CDH18: variants seen among roughly 807,000 people sequenced by gnomAD.
The protein encoded by CDH18 is cadherin 18.
In CDH18, 31 loss-of-function variants were observed where a neutral mutation model predicts 67.9. That is an observed-to-expected ratio of 0.46 (90% CI 0.34 to 0.62). The LOEUF (loss-of-function observed/expected upper bound fraction) is 0.62, where lower values mean the gene tolerates loss of function less well. CDH18 is among the 20% of genes least tolerant of loss of function. CDH18 has a pLI of 0.01. For missense variants in CDH18, 890 were observed against 975.5 expected, an observed-to-expected ratio of 0.91 and a Z score of 1.17; for synonymous variants, 362 against 347.2, an observed-to-expected ratio of 1.04 and a Z score of -0.48.
chr5:19,548,833 C>T (rs1736815663), intron 8 of CDH18, among the ~76,000 whole-genome samples: 1 of 150,478 alleles, frequency 6.6e-6, no homozygotes, highest in Non-Finnish European at 1.5e-5. Flanking sequence ...TGACTGCAAC[C>T]TCTGCCTCCC....
At chr5:20,216,302 T>C (rs1307279595) in intron 2 of CDH18, among the ~76,000 whole-genome samples, 1 of 151,962 alleles carries the variant, frequency 6.6e-6, no homozygotes, top group Non-Finnish European at 1.5e-5. Context: ...CCAATGCAAG[T>C]CTTGATGGAA....
chr5:19,492,885 T>A (rs1271088930), intron 11 of CDH18, among the ~76,000 whole-genome samples: 2 of 152,148 alleles, frequency 1.3e-5, no homozygotes, highest in Admixed American at 1.3e-4. Context: ...CTAAAGCAAC[T>A]AAAGAATGAA....
chr5:20,222,742 T>C (rs1370706557), intron 2 of CDH18, among the ~76,000 whole-genome samples: 1 of 151,970 alleles, frequency 6.6e-6, no homozygotes, highest in Non-Finnish European at 1.5e-5. Flanking sequence ...GAAAAACAAA[T>C]GACTTAGCCT....
rs141717386 is a variant in CDH18 at position 20,504,712 on chromosome 5, T to TA, written c.-580+70749dup. 4.3e-4 allele frequency among the ~76,000 whole-genome samples: 62 copies of TA among 145,854 alleles called. No homozygotes were observed. In the East Asian group the frequency reaches 0.01, roughly 25 times the overall value. On this transcript the variant is annotated intron_variant, in intron 1 of 14. Transcript: ENST00000507958. ...AAAAAGAATGAACAGTTAAACTTAA[T>TA]AAAAAATAAAGTCTTTTGGCAGGTA...
intron 4 of CDH18, among the ~76,000 whole-genome samples, chr5:19,746,692 C>A (rs947248656): frequency 1.3e-5 from 2 of 152,106 alleles, no homozygotes; most frequent in Non-Finnish European, 2.9e-5. Context: ...CAAATTTATA[C>A]ATGTTTCTTT....
intron 3 of CDH18, among the ~76,000 whole-genome samples, chr5:19,790,537 A>G (rs1228116227): frequency 1.3e-5 from 2 of 152,146 alleles, no homozygotes; most frequent in Non-Finnish European, 2.9e-5. Flanking sequence ...CTATAAAGTA[A>G]CAGTAGGAGT....
intron 9 of CDH18, among the ~76,000 whole-genome samples, chr5:19,535,707 G>A (rs886161324): frequency 1.3e-5 from 2 of 152,010 alleles, no homozygotes; most frequent in African/African-American, 4.8e-5. Flanking sequence ...ATTGGTTTGT[G>A]GACTCTTATG....
intron 9 of CDH18, among the ~76,000 whole-genome samples, chr5:19,540,441 C>T (rs1022036180): frequency 1.3e-4 from 20 of 152,148 alleles, no homozygotes; most frequent in Non-Finnish European, 4.4e-5. Context: ...CACAGCTCCA[C>T]TAGGCAGCGC....
At chr5:19,500,027 T>C (rs1742979749) in intron 11 of CDH18, among the ~76,000 whole-genome samples, 1 of 151,850 alleles carries the variant, frequency 6.6e-6, no homozygotes, top group Non-Finnish European at 1.5e-5. Flanking sequence ...GGCTTGTAAA[T>C]GTCAGTTAAC....
intron 1 of CDH18, among the ~76,000 whole-genome samples, chr5:20,450,783 A>C (rs1750386736): frequency 6.6e-6 from 1 of 152,190 alleles, no homozygotes; most frequent in Non-Finnish European, 1.5e-5. Context: ...CATGATGCTA[A>C]TAAAGATATT....
intron 12 of CDH18, among the ~76,000 whole-genome samples, chr5:19,481,820 G>A (rs1308850438): frequency 6.6e-6 from 1 of 152,088 alleles, no homozygotes; most frequent in Non-Finnish European, 1.5e-5. Flanking sequence ...ATCTTTTCAT[G>A]TATGTCAGTA....
intron 1 of CDH18, among the ~76,000 whole-genome samples, chr5:20,347,807 A>G (rs566460503): frequency 1.3e-5 from 2 of 152,288 alleles, no homozygotes; most frequent in East Asian, 3.9e-4. Context: ...CACCCATAGG[A>G]GGAACATTTA....
chr5:20,469,367 A>G (rs1751889275), intron 1 of CDH18, among the ~76,000 whole-genome samples: 1 of 152,166 alleles, frequency 6.6e-6, no homozygotes, highest in African/African-American at 2.4e-5. Flanking sequence ...CATTTTTTCT[A>G]AAATAAAACA....
intron 5 of CDH18, among the ~76,000 whole-genome samples, chr5:19,675,735 T>G (rs187302680): frequency 6.6e-6 from 1 of 152,128 alleles, no homozygotes; most frequent in East Asian, 1.9e-4. Context: ...CTTACGAAGA[T>G]GACAGGATTA....
At chr5:20,194,782 G>A (rs1045030125) in intron 2 of CDH18, among the ~76,000 whole-genome samples, 1 of 151,658 alleles carries the variant, frequency 6.6e-6, no homozygotes, top group Non-Finnish European at 1.5e-5. Context: ...TGCTAAGGAG[G>A]GATTTTCTTC....
intron 12 of CDH18, among the ~76,000 whole-genome samples, chr5:19,479,024 G>C (rs1738957179): frequency 6.6e-6 from 1 of 152,164 alleles, no homozygotes; most frequent in Non-Finnish European, 1.5e-5. Context: ...TACATAGATG[G>C]ATTCCGACCA....
chr5:19,745,604 A>C (rs999043654), intron 4 of CDH18, among the ~76,000 whole-genome samples: 1 of 152,192 alleles, frequency 6.6e-6, no homozygotes, highest in African/African-American at 2.4e-5. Context: ...CTCACCCACC[A>C]GGGTTAAAAA....
rs1054120854 is a variant in CDH18, at chr5:19,582,719, G to A, written c.999+8338C>T. ...CTACTGTTTCTTATTTATAGTTTGT[G>A]ATCATGTGTTTGCCTGTGTGTGATT... is the stretch of plus-strand genomic sequence containing the variant. On this transcript the variant is annotated intron_variant, in intron 7 of 12. Coordinates refer to ENST00000382275, the MANE Select transcript of CDH18 (RefSeq NM_004934.5). 4.6e-5 allele frequency among the ~76,000 whole-genome samples: 7 copies of A among 151,956 alleles called. 1 individual carries two copies. The South Asian group carries it at 6.2e-4, about 13-fold the overall frequency.
At chr5:19,887,650 C>G (rs762889254) in intron 2 of CDH18, among the ~76,000 whole-genome samples, 1 of 151,672 alleles carries the variant, frequency 6.6e-6, no homozygotes, top group Non-Finnish European at 1.5e-5. Context: ...TTCACTGTAG[C>G]CTTAACCCCC....
Sources: allele counts gnomAD v4.1 joint callset (sites outside exome capture counted in the v4.1 genomes callset), GRCh38; gene constraint gnomAD v4.1.1; transcripts MANE v1.5; gene names NCBI Gene and HGNC (gene_info 2026-07-23, HGNC 2026-07-21).